Variants in XPO4 observed in about 807,000 individuals in gnomAD.
XPO4 encodes exportin-4.
XPO4 carries 39 observed loss-of-function variants against 143.0 expected under a neutral mutation model. The observed-to-expected ratio is 0.27, with a 90% CI of 0.21 to 0.36. XPO4 has a LOEUF of 0.36. Among genes scored for constraint, XPO4 ranks in the 10% least tolerant of loss-of-function variants. The pLI is 1.00. For missense variants in XPO4, 907 were observed against 1,348.0 expected (o/e 0.67, Z 5.12); for synonymous variants, 439 against 474.0 (o/e 0.93, Z 0.96).
intron 1 of XPO4, among the ~76,000 whole-genome samples, chr13:20,898,344 A>G (rs2060588558): frequency 1.3e-5 from 2 of 152,132 alleles, no homozygotes; most frequent in South Asian, 4.1e-4. Context: ...GTGGGAGGAT[A>G]ACCTGAGGTC....
At chr13:20,798,403 A>C (rs2039303850) in intron 16 of XPO4, among the ~76,000 whole-genome samples, 1 of 152,140 alleles carries the variant, frequency 6.6e-6, no homozygotes, top group African/African-American at 2.4e-5. Flanking sequence ...TCCCATGGAC[A>C]CCTTATAGCT....
At chr13:20,871,164 G>A (rs960032769) in intron 1 of XPO4, among the ~76,000 whole-genome samples, 7 of 151,846 alleles carry the variant, frequency 4.6e-5, no homozygotes, top group African/African-American at 1.7e-4. Context: ...ATGAGTTTGT[G>A]GGGTTTTTGT....
intron 22 of XPO4, among the ~76,000 whole-genome samples, chr13:20,784,786 T>A (rs929695465): frequency 6.6e-6 from 1 of 152,068 alleles, no homozygotes; most frequent in Non-Finnish European, 1.5e-5. Flanking sequence ...CTACAAAAAA[T>A]TTAAAAATTA....
chr13:20,890,405 G>C (rs2060500638), intron 1 of XPO4, among the ~76,000 whole-genome samples: 1 of 151,646 alleles, frequency 6.6e-6, no homozygotes, highest in African/African-American at 2.4e-5. Flanking sequence ...AGCTGCTATT[G>C]TGCTGCTGTA....
intron 1 of XPO4, 193 bp downstream of exon 1, chr13:20,902,477 T>C: frequency 1.0e-6 from 1 of 985,416 alleles, no homozygotes; most frequent in South Asian, 4.7e-5. Flanking sequence ...GGACAGCTCC[T>C]GGAAGGAGGG....
intron 6 of XPO4, among the ~76,000 whole-genome samples, chr13:20,835,593 C>T (rs1254978543): frequency 6.6e-6 from 1 of 152,188 alleles, no homozygotes; most frequent in Non-Finnish European, 1.5e-5. Flanking sequence ...AAGCAATAAA[C>T]AGGTTCATCT....
At position 20,874,592 on chromosome 13, in the gene XPO4, C is replaced by T. The variant is rs150952117; in HGVS notation, c.70-5891G>A. On this transcript the variant is annotated intron_variant, in intron 1 of 22. Transcript: ENST00000255305. ...TCTCTTTCTCTCTCTCTTTCTTGCT[C>T]ATGGCTCACTTGTCCTTCTGCAACA... Among the ~76,000 whole-genome samples, 482 of 152,260 alleles carry T rather than the reference C, an allele frequency of 3.2e-3. 3 individuals are homozygous for T. Among genetic ancestry groups the T allele is most frequent in the Non-Finnish European group, 4.1e-3 (278 of 68,018 alleles).
rs1018120011 is a variant in XPO4, at chr13:20,796,110, C to T, written c.2763G>A (p.Leu921=). ...TGAAATCTATGAATTCTTTTGACAG[C>T]AGGTTAGTAAGAAGTTCCATAATGA... ...LLLIMELLTN[L]LSKEFIDFSD... Residue 921 remains leucine (L), a synonymous_variant, in exon 18 of 23, where the codon CTG becomes CTA. Coordinates refer to ENST00000255305, the MANE Select transcript of XPO4 (RefSeq NM_022459.5). The T allele has an allele frequency of 1.2e-6, 2 of 1,613,470 alleles. No homozygotes were observed. Among genetic ancestry groups the T allele is most frequent in the Non-Finnish European group, 1.7e-6 (2 of 1,179,760 alleles).
chr13:20,820,818 A>T (rs1187690278), intron 9 of XPO4, among the ~76,000 whole-genome samples: 2 of 152,124 alleles, frequency 1.3e-5, no homozygotes, highest in Non-Finnish European at 2.9e-5. Flanking sequence ...ATACGAAAAA[A>T]CTCACATACA....
At chr13:20,820,639 T>G in intron 9 of XPO4, among the ~76,000 whole-genome samples, 1 of 152,228 alleles carries the variant, frequency 6.6e-6, no homozygotes, top group East Asian at 1.9e-4. Flanking sequence ...TCTGAAACAT[T>G]CAACTGTACA....
chr13:20,797,861 T>C (rs530730977), intron 16 of XPO4, among the ~76,000 whole-genome samples: 6 of 152,198 alleles, frequency 3.9e-5, no homozygotes, highest in South Asian at 2.1e-4. Flanking sequence ...TATTTGATAA[T>C]AGAGTTGGCC....
chr13:20,816,348 CA>C lies in XPO4; in HGVS notation c.1173+5355del, dbSNP rs144566117. Among the ~76,000 whole-genome samples the C allele has an allele frequency of 4.9e-4, 75 of 151,766 alleles. No individual in the cohort carries two copies. In the East Asian group the frequency reaches 6.2e-3, roughly 13 times the overall value. ...GAACAATATAGTGACACAAATGTCA[CA>C]AAAAAAACTTCATGAACTCTCCACT... On this transcript the variant is annotated intron_variant, in intron 9 of 22. Transcript: ENST00000255305.
intron 20 of XPO4, among the ~76,000 whole-genome samples, chr13:20,788,212 C>T (rs1010972148): frequency 6.6e-6 from 1 of 151,970 alleles, no homozygotes; most frequent in African/African-American, 2.4e-5. Context: ...CCTGCCACCA[C>T]GCCCAGCTAA....
Position 20,790,318 on chromosome 13 carries a change from G to A in XPO4, c.2916+144C>T, listed in dbSNP as rs141608775. The A allele has an allele frequency of 2.1e-4, 138 of 667,652 alleles. 1 individual carries two copies. The East Asian group carries it at 2.9e-3, about 14-fold the overall frequency. 41.4% of individuals were successfully genotyped at this position (667,652 alleles called of 1,614,324 possible). A position where few individuals can be genotyped will look rare whatever the true frequency, so the allele number is the denominator to read the frequency against. On this transcript the variant is annotated intron_variant, in intron 19 of 22. Transcript: ENST00000255305. ...TACTGAGAAGCATGCACAAGTAACC[G>A]TTAATGAAAATACAAAAATTGTATC...
intron 6 of XPO4, among the ~76,000 whole-genome samples, chr13:20,830,487 A>G (rs1222150955): frequency 1.3e-5 from 2 of 152,180 alleles, no homozygotes; most frequent in East Asian, 3.8e-4. Flanking sequence ...CAGCCTGGTT[A>G]TACCACTAAT....
intron 9 of XPO4, among the ~76,000 whole-genome samples, chr13:20,821,331 G>A (rs568677985): frequency 6.6e-6 from 1 of 150,936 alleles, no homozygotes; most frequent in South Asian, 2.1e-4. Context: ...AAAATTACAC[G>A]TAATTACACC....
rs1207742510 is a variant in XPO4 at position 20,778,583 on chromosome 13, T to C, written c.*5139A>G. The stretch of plus-strand genomic sequence containing the variant: ...GACTTAACTAGTAACTGTGAAACTG[T>C]TTCTAAGACTGTGGGCTGAGATAAA... On this transcript the variant is annotated 3_prime_UTR_variant, in exon 23 of 23. Coordinates refer to ENST00000255305, the MANE Select transcript of XPO4 (RefSeq NM_022459.5). 6.6e-6 allele frequency: 1 copy of C among 151,888 alleles called. No individual in the cohort carries two copies. The highest frequency in any genetic ancestry group is 1.9e-4 in the East Asian group (1 of 5,198). The allele number at this position is 151,888 out of a possible 1,614,324, so 9.4% of individuals were successfully genotyped here. A position where few individuals can be genotyped will look rare whatever the true frequency, so the allele number is the denominator to read the frequency against.
intron 19 of XPO4, among the ~76,000 whole-genome samples, chr13:20,789,530 G>A (rs1286888543): frequency 4.0e-5 from 6 of 151,476 alleles, no homozygotes; most frequent in African/African-American, 1.5e-4. Flanking sequence ...GAGTAGCTGG[G>A]ACTACAGGCG....
rs964093431 is a variant in XPO4 at position 20,781,327 on chromosome 13, C to G, written c.*2395G>C. The G allele has an allele frequency of 6.6e-6, 1 of 152,536 alleles. No individual in the cohort carries two copies. The highest frequency in any genetic ancestry group is 1.5e-5 in the Non-Finnish European group (1 of 68,024). The allele number at this position is 152,536 out of a possible 1,614,324, so 9.4% of individuals were successfully genotyped here. On this transcript the variant is annotated 3_prime_UTR_variant, in exon 23 of 23. Coordinates refer to ENST00000255305, the MANE Select transcript of XPO4 (RefSeq NM_022459.5). ...AACACAAAGTGAATAAGCATCCAAT[C>G]AGGCAAACATGGACACAACCACCCT...
Sources: gnomAD v4.1 joint callset for allele counts (sites outside exome capture counted in the v4.1 genomes callset) on GRCh38, gnomAD v4.1.1 for gene constraint, MANE v1.5 for transcripts, NCBI Gene and HGNC (gene_info 2026-07-23, HGNC 2026-07-21) for gene names.